CARD10: variants seen among roughly 807,000 people sequenced by gnomAD.
CARD10 encodes the protein caspase recruitment domain-containing protein 10.
CARD10 carries 49 observed loss-of-function variants against 114.6 expected under a neutral mutation model. That is an observed-to-expected ratio of 0.43 (90% CI 0.34 to 0.54). CARD10 has a LOEUF of 0.54. Among genes scored for constraint, CARD10 ranks in the 20% least tolerant of loss-of-function variants. The pLI is 0.03. For missense variants in CARD10, 1,206 were observed against 1,397.2 expected, an observed-to-expected ratio of 0.86 and a Z score of 2.18; for synonymous variants, 602 against 593.2, an observed-to-expected ratio of 1.01 and a Z score of -0.21.
chr22:37,515,772 C>T (rs1416196666), intron 3 of CARD10, among the ~76,000 whole-genome samples: 1 of 152,102 alleles, frequency 6.6e-6, no homozygotes, highest in Admixed American at 6.6e-5. Flanking sequence ...CTAGACATGG[C>T]CAGATGTTTC....
In CARD10 at chr22:37,496,571, A is replaced by T. The variant is rs1235178532; in HGVS notation, c.1948-11T>A. On this transcript the variant is annotated splice_polypyrimidine_tract_variant and intron_variant, in intron 12 of 19. Coordinates refer to ENST00000251973, the MANE Select transcript of CARD10 (RefSeq NM_014550.4). This position sits in a 1 kb window ranked among gnomAD's most constrained non-coding sequence, Gnocchi z 4.1. ...AGCTTCCACCCTTTGCTGGGAGAAA[A>T]CCCAGGCAGGGAGGGAAAGAAGTGA... 1.3e-6 allele frequency: 2 copies of T among 1,599,640 alleles called. No individual in the cohort carries two copies. Among genetic ancestry groups the T allele is most frequent in the Non-Finnish European group, 1.7e-6 (2 of 1,168,720 alleles).
chr22:37,518,445 C>T (rs1923914792), intron 1 of CARD10, among the ~76,000 whole-genome samples: 1 of 152,202 alleles, frequency 6.6e-6, no homozygotes, highest in Admixed American at 6.5e-5. Context: ...TTGGCCATGC[C>T]TGAAATTCCA....
At chr22:37,510,530 A>C in intron 3 of CARD10, 109 bp from the exon 4 acceptor site, 1 of 924,986 alleles carries the variant, frequency 1.1e-6, no homozygotes, top group Admixed American at 2.6e-5. Context: ...AGATTCCCAG[A>C]GAAGCCGAAG....
chr22:37,500,684 G>C (rs1569163934), intron 11 of CARD10, among the ~76,000 whole-genome samples: 1 of 152,306 alleles, frequency 6.6e-6, no homozygotes, highest in East Asian at 1.9e-4. Flanking sequence ...AGGCACATCG[G>C]AATCTCCAAC....
intron 3 of CARD10, 139 bp from the exon 4 acceptor site, chr22:37,510,560 T>C: frequency 2.9e-6 from 2 of 685,178 alleles, no homozygotes; most frequent in Non-Finnish European, 4.9e-6. Flanking sequence ...TCCCCAGGCT[T>C]GTCTATGAAA....
rs1923229114 is a variant in CARD10, at chr22:37,501,916, C to G, written c.1787+686G>C. On this transcript the variant is annotated intron_variant, in intron 11 of 19. Coordinates refer to ENST00000251973, the MANE Select transcript of CARD10 (RefSeq NM_014550.4). This position sits in a 1 kb window ranked among gnomAD's most constrained non-coding sequence, Gnocchi z 5.4. Reference sequence around the variant, plus strand: ...TTGACTTTCGCCCTTCCCCCTCGCTCCTCCTCCACAGTCACCGGATGCTCT... The same window carrying G: ...TTGACTTTCGCCCTTCCCCCTCGCTGCTCCTCCACAGTCACCGGATGCTCT... Among the ~76,000 whole-genome samples, 1 of 152,232 alleles carries G rather than the reference C, an allele frequency of 6.6e-6. No individual in the cohort carries two copies. The highest frequency in any genetic ancestry group is 1.5e-5 in the Non-Finnish European group (1 of 68,038).
intron 7 of CARD10, among the ~76,000 whole-genome samples, chr22:37,505,685 G>T (rs1261337388): frequency 1.3e-5 from 2 of 151,554 alleles, no homozygotes; most frequent in Non-Finnish European, 2.9e-5. Flanking sequence ...AGCAGCCTGA[G>T]GACCACGATC....
Position 37,510,358 on chromosome 22 carries a change from T to C in CARD10, c.763A>G (p.Arg255Gly). The change falls in exon 4 of 20, where the codon AGG becomes GGG. Residue 255 changes from arginine (R) to glycine (G), a missense_variant. Coordinates refer to ENST00000251973, the MANE Select transcript of CARD10 (RefSeq NM_014550.4). ...TCCTCTGCCCCAGGGGGCGGGCCCC[T>C]GGCCCTTCGAAGCAGTGCACACTCT... is the stretch of plus-strand genomic sequence containing the variant. ...EEECALLRRA[R>G]GPPPGAEEKE... The C allele has an allele frequency of 6.2e-7, 1 of 1,613,358 alleles. No homozygotes were observed. Among genetic ancestry groups the C allele is most frequent in the Non-Finnish European group, 8.5e-7 (1 of 1,179,998 alleles).
chr22:37,504,543 CTGTG>C, intron 8 of CARD10, 88 bp downstream of exon 8: 2 of 1,456,332 alleles, frequency 1.4e-6, no homozygotes, highest in Non-Finnish European at 1.8e-6. Context: ...GTGTCCTCAC[CTGTG>C]AAATGGATCC....
At chr22:37,518,909 C>T in intron 1 of CARD10, 57 bp downstream of exon 1, 1 of 1,467,182 alleles carries the variant, frequency 6.8e-7, no homozygotes, top group Admixed American at 2.2e-5. Flanking sequence ...GCTGTGGGCG[C>T]TGCGCCCCAG....
rs115469326 is a variant in CARD10, at chr22:37,506,315, G to T, written c.1260C>A (p.Arg420=). The T allele has an allele frequency of 8.4e-5, 135 of 1,610,966 alleles. No homozygotes were observed. In the African/African-American group the frequency reaches 1.5e-3, roughly 18 times the overall value. Residue 420 remains arginine (R), a synonymous_variant, in exon 7 of 20, where the codon CGC becomes CGA. Coordinates refer to ENST00000251973, the MANE Select transcript of CARD10 (RefSeq NM_014550.4). The part of the protein sequence containing the change: ...SQSLIEKDQY[R]KQVRGLEAER... ...CCGCCTCCAGGCCCCGCACCTGCTT[G>T]CGGTACTGGTCCTTCTCGATGAGGC...
At position 37,495,531 on chromosome 22, in the gene CARD10, C is replaced by T. The variant is rs1346193623; in HGVS notation, c.2359G>A (p.Gly787Ser). The change falls in exon 15 of 20, where the codon GGC becomes AGC. Residue 787 changes from glycine to serine, a missense_variant. Gly to Ser is a moderately conservative substitution (Grantham distance 56, BLOSUM62 0). Transcript: ENST00000251973. ...EKCLPSSRHR[G>S]PRSNLKKRAL... ...GCCGTGCTCACATTACTGCGGGGGC[C>T]TCGGTGCCGGCTGGAGGGCAGGCAT... 8 of 1,612,258 alleles carry T rather than the reference C, an allele frequency of 5.0e-6. No homozygotes were observed. Among genetic ancestry groups the T allele is most frequent in the South Asian group, 1.1e-5 (1 of 90,426 alleles).
chr22:37,508,846 C>T (rs1364447266), intron 4 of CARD10, among the ~76,000 whole-genome samples, 164 bp from the exon 5 acceptor site: 1 of 152,208 alleles, frequency 6.6e-6, no homozygotes, highest in East Asian at 1.9e-4. Flanking sequence ...TCCCCATCGG[C>T]AGAGTGGGTG....
At chr22:37,491,426 G>A (rs1922770626) in intron 19 of CARD10, 33 bp from the exon 20 acceptor site, 2 of 1,413,570 alleles carry the variant, frequency 1.4e-6, no homozygotes, top group South Asian at 1.4e-5. Flanking sequence ...CGGTCAAAGT[G>A]GGGGACCAAG....
rs758822692 is a variant in CARD10 at position 37,496,996 on chromosome 22, C to A, written c.1947+23G>T. The A allele has an allele frequency of 6.3e-7, 1 of 1,583,356 alleles. No homozygotes were observed. Among genetic ancestry groups the A allele is most frequent in the Non-Finnish European group, 8.6e-7 (1 of 1,166,278 alleles). On this transcript the variant is annotated intron_variant, in intron 12 of 19. Transcript: ENST00000251973. This position sits in a 1 kb window ranked among gnomAD's most constrained non-coding sequence, Gnocchi z 4.1. ...GGCAAAAGCACTGACCCTACCCCCC[C>A]AGCTCAGGAGGCAGGGCCTCACCTC... is the stretch of plus-strand genomic sequence containing the variant.
chr22:37,500,367 C>T (rs184075870), intron 11 of CARD10, among the ~76,000 whole-genome samples: 203 of 152,264 alleles, frequency 1.3e-3, no homozygotes, highest in Non-Finnish European at 2.1e-3. Flanking sequence ...GACGGCACCC[C>T]GAAACCCTCC....
At chr22:37,491,531 T>C in intron 19 of CARD10, 138 bp from the exon 20 acceptor site, 1 of 55,262 alleles carries the variant, frequency 1.8e-5, no homozygotes, top group Non-Finnish European at 2.7e-5. Flanking sequence ...CAGATGGAGA[T>C]GGAGAGAGAG....
chr22:37,507,702 G>C, intron 6 of CARD10, 127 bp downstream of exon 6: 1 of 1,218,678 alleles, frequency 8.2e-7, no homozygotes, highest in Non-Finnish European at 1.2e-6. Context: ...TTTGTGCCCC[G>C]TCCTAACCCA....
At chr22:37,506,629 G>A (rs570312708) in intron 6 of CARD10, among the ~76,000 whole-genome samples, 1 of 152,358 alleles carries the variant, frequency 6.6e-6, no homozygotes, top group African/African-American at 2.4e-5. Flanking sequence ...GAGCGACAGA[G>A]CTGGGATTCA....
Sources: allele counts gnomAD v4.1 joint callset (sites outside exome capture counted in the v4.1 genomes callset), GRCh38; gene constraint gnomAD v4.1.1; non-coding constraint Gnocchi (gnomAD v3.1); transcripts MANE v1.5; gene names NCBI Gene and HGNC (gene_info 2026-07-23, HGNC 2026-07-21).